Variants in MYZAP observed in about 807,000 individuals in gnomAD.
MYZAP encodes the protein myocardial zonula adherens protein.
In MYZAP, 66 loss-of-function variants were observed where a neutral mutation model predicts 69.4. That is an observed-to-expected ratio of 0.95 (90% CI 0.78 to 1.17). MYZAP has a LOEUF of 1.17. Ranked by LOEUF, MYZAP falls within the 50% of genes most tolerant of loss-of-function variation. MYZAP has a pLI of 0.00. For synonymous variants in MYZAP, 256 were observed against 205.9 expected, an observed-to-expected ratio of 1.24 and a Z score of -2.09; for missense variants, 611 against 556.2, an observed-to-expected ratio of 1.10 and a Z score of -0.99.
chr15:57,631,099 A>G (rs1339376938), intron 6 of MYZAP, among the ~76,000 whole-genome samples: 1 of 152,154 alleles, frequency 6.6e-6, no homozygotes. Flanking sequence ...TCCGTGTAAG[A>G]GTTACTTTCT....
At chr15:57,632,382 A>T in intron 6 of MYZAP, 52 bp from the exon 7 acceptor site, 2 of 1,611,174 alleles carry the variant, frequency 1.2e-6, no homozygotes, top group East Asian at 4.5e-5. Context: ...GGAAGCTGCC[A>T]ATTCCTCTGG....
At chr15:57,635,240 T>C (rs2036747108) in intron 8 of MYZAP, among the ~76,000 whole-genome samples, 1 of 152,222 alleles carries the variant, frequency 6.6e-6, no homozygotes, top group South Asian at 2.1e-4. Flanking sequence ...TTCTTAGGGC[T>C]TTTGTGAGCA....
chr15:57,671,669 A>T (rs962703561), intron 11 of MYZAP, among the ~76,000 whole-genome samples: 7 of 152,044 alleles, frequency 4.6e-5, no homozygotes, highest in Non-Finnish European at 8.8e-5. Flanking sequence ...TCTTAAGTCC[A>T]TCTAGTGACT....
At chr15:57,668,758 T>C (rs1385273546) in intron 11 of MYZAP, among the ~76,000 whole-genome samples, 1 of 152,022 alleles carries the variant, frequency 6.6e-6, no homozygotes, top group Non-Finnish European at 1.5e-5. Flanking sequence ...TACTATTGAG[T>C]TGGAAGAGTT....
chr15:57,625,685 G>A, intron 4 of MYZAP, 94 bp from the exon 5 acceptor site: 1 of 1,086,142 alleles, frequency 9.2e-7, no homozygotes, highest in South Asian at 1.3e-5. Context: ...TGAAGTAGAT[G>A]TGGCTTCTAA....
intron 11 of MYZAP, among the ~76,000 whole-genome samples, chr15:57,666,412 G>A (rs2038572193): frequency 6.6e-6 from 1 of 152,070 alleles, no homozygotes; most frequent in Non-Finnish European, 1.5e-5. Context: ...TTAAAACAGA[G>A]AATATGGATT....
At chr15:57,673,079 G>A (rs540980736) in intron 11 of MYZAP, among the ~76,000 whole-genome samples, 1 of 152,216 alleles carries the variant, frequency 6.6e-6, no homozygotes, top group South Asian at 2.1e-4. Context: ...TCTACTGATT[G>A]CATTATATTC....
At chr15:57,667,231 A>G (rs1455082917) in intron 11 of MYZAP, among the ~76,000 whole-genome samples, 1 of 152,212 alleles carries the variant, frequency 6.6e-6, no homozygotes, top group East Asian at 1.9e-4. Context: ...GGCTCCCCAC[A>G]TGCATTTTAT....
At chr15:57,675,544 T>C (rs190485576) in intron 12 of MYZAP, among the ~76,000 whole-genome samples, 300 of 152,260 alleles carry the variant, frequency 2.0e-3, no homozygotes, top group Non-Finnish European at 3.5e-3. Context: ...TGAACAAAAG[T>C]CATCTGTTCC....
intron 10 of MYZAP, among the ~76,000 whole-genome samples, chr15:57,659,324 G>T (rs2038161865): frequency 6.6e-6 from 1 of 151,994 alleles, no homozygotes; most frequent in Non-Finnish European, 1.5e-5. Flanking sequence ...GCTATTTAGA[G>T]ACCACAATCT....
At chr15:57,658,476 GT>G (rs536579510) in intron 10 of MYZAP, among the ~76,000 whole-genome samples, 64 of 152,222 alleles carry the variant, frequency 4.2e-4, no homozygotes, top group African/African-American at 1.5e-3. Flanking sequence ...ATTTAGTTAT[GT>G]TTCTAAAGTC....
At chr15:57,663,824 T>A (rs1289741566) in intron 11 of MYZAP, among the ~76,000 whole-genome samples, 2 of 152,166 alleles carry the variant, frequency 1.3e-5, no homozygotes, top group Non-Finnish European at 2.9e-5. Flanking sequence ...AACCAGTTTT[T>A]TTTTGAGCAT....
chr15:57,681,658 G>A (rs545972195), intron 12 of MYZAP, among the ~76,000 whole-genome samples: 21 of 152,222 alleles, frequency 1.4e-4, no homozygotes, highest in Middle Eastern at 6.8e-3. Context: ...CATGGCACGC[G>A]CCTGTAATCC....
intron 1 of MYZAP, among the ~76,000 whole-genome samples, chr15:57,598,182 G>A (rs10851619): frequency 0.088 from 13,334 of 152,176 alleles, 688 homozygotes; most frequent in Admixed American, 0.13. Flanking sequence ...GTACCCCGTA[G>A]GTGAGACCCA....
rs774330513 is a variant in MYZAP at position 57,632,393 on chromosome 15, G to A, written c.679-41G>A. On this transcript the variant is annotated intron_variant, in intron 6 of 12. Transcript: ENST00000267853. ...CAGTGGAAGCTGCCAATTCCTCTGG[G>A]CCCTGCAAAAGCTGTCGTTCTGAAA... is the stretch of plus-strand genomic sequence containing the variant. 8 of 1,612,974 alleles carry A rather than the reference G, an allele frequency of 5.0e-6. No homozygotes were observed. In the East Asian group the frequency reaches 1.3e-4, roughly 27 times the overall value.
chr15:57,621,686 A>G lies in MYZAP; in HGVS notation c.397A>G (p.Thr133Ala), dbSNP rs763563004. 1.2e-6 allele frequency: 2 copies of G among 1,613,812 alleles called. No individual in the cohort carries two copies. The highest frequency in any genetic ancestry group is 3.3e-5 in the Admixed American group (2 of 59,992). The change falls in exon 4 of 13, where the codon ACC (threonine) becomes GCC (alanine). Residue 133 changes from threonine (T) to alanine (A), a missense_variant. By Grantham distance (58) the Thr-to-Ala change is moderately conservative. Coordinates refer to ENST00000267853, the MANE Select transcript of MYZAP (RefSeq NM_001018100.5). The stretch of plus-strand genomic sequence containing the variant: ...GATGAGACAGAAGATTCGACAGCTC[A>G]CCCAGGAACTATCAGTAAGTCATTA... The part of the protein sequence containing the change: ...DEMRQKIRQL[T>A]QELSVSHAQQ...
intron 11 of MYZAP, among the ~76,000 whole-genome samples, chr15:57,666,638 A>G (rs915557309): frequency 2.0e-5 from 3 of 152,072 alleles, no homozygotes; most frequent in African/African-American, 7.2e-5. Context: ...GGACATAAAC[A>G]TGGGAACGAT....
intron 2 of MYZAP, among the ~76,000 whole-genome samples, chr15:57,611,293 G>A (rs1327054913): frequency 6.6e-5 from 10 of 152,130 alleles, no homozygotes; most frequent in Admixed American, 5.9e-4. Flanking sequence ...GGTCTGTGAC[G>A]GGCCATGTTG....
intron 3 of MYZAP, among the ~76,000 whole-genome samples, chr15:57,619,766 C>T (rs1027575043): frequency 1.3e-5 from 2 of 152,102 alleles, no homozygotes; most frequent in Admixed American, 1.3e-4. Context: ...ATAGACCTTC[C>T]TCACTTAAAT....
Sources: allele counts gnomAD v4.1 joint callset (sites outside exome capture counted in the v4.1 genomes callset), GRCh38; gene constraint gnomAD v4.1.1; transcripts MANE v1.5; gene names NCBI Gene and HGNC (gene_info 2026-07-23, HGNC 2026-07-21).